The following GRB10 variants were observed in gnomAD, a reference collection of about 807,000 sequenced individuals.
The protein encoded by GRB10 is growth factor receptor bound protein 10, also known as growth factor receptor-bound protein 10.
GRB10 carries 20 observed loss-of-function variants against 80.9 expected under a neutral mutation model. The observed-to-expected ratio is 0.25, with a 90% CI of 0.17 to 0.36. The LOEUF is 0.36. Ranked by LOEUF, GRB10 falls within the 10% of genes least tolerant of loss-of-function variation. The probability of loss-of-function intolerance (pLI) is 1.00; values close to 1 mark genes in which losing one functional copy is unlikely to be tolerated. For synonymous variants in GRB10, 291 were observed against 291.5 expected, an observed-to-expected ratio of 1.00 and a Z score of 0.02; for missense variants, 548 against 747.7, an observed-to-expected ratio of 0.73 and a Z score of 3.12.
intron 4 of GRB10, among the ~76,000 whole-genome samples, chr7:50,729,580 A>G (rs1005649688): frequency 5.3e-5 from 8 of 151,974 alleles, no homozygotes; most frequent in African/African-American, 1.9e-4. Flanking sequence ...AGCTCCATAA[A>G]CCCCATCCCA....
At chr7:50,623,476 C>T (rs1001548296) in intron 8 of GRB10, among the ~76,000 whole-genome samples, 9 of 152,334 alleles carry the variant, frequency 5.9e-5, no homozygotes, top group East Asian at 1.9e-4. Context: ...TATCCACAAG[C>T]GCAGCACAGA....
intron 5 of GRB10, among the ~76,000 whole-genome samples, chr7:50,693,145 G>T (rs2063027871): frequency 6.6e-6 from 1 of 152,058 alleles, no homozygotes; most frequent in Admixed American, 6.6e-5. Flanking sequence ...GAGACTAAAA[G>T]ACAGAAAAAC....
chr7:50,781,137 A>T (rs1224314712), intron 1 of GRB10: 16 of 152,274 alleles, frequency 1.1e-4, no homozygotes, highest in Admixed American at 9.8e-4. Context: ...GTCCTACAAG[A>T]TAGTAACTAT....
chr7:50,703,245 C>T (rs2064499613), intron 5 of GRB10, among the ~76,000 whole-genome samples: 1 of 152,238 alleles, frequency 6.6e-6, no homozygotes, highest in Non-Finnish European at 1.5e-5. Context: ...TTAAACTCTC[C>T]AATAAGCCAA....
chr7:50,631,638 T>C (rs866157948), intron 7 of GRB10, among the ~76,000 whole-genome samples: 2 of 152,310 alleles, frequency 1.3e-5, no homozygotes, highest in Non-Finnish European at 1.5e-5. Context: ...AGAGAAATTA[T>C]CAAAGCAGGC....
chr7:50,668,921 C>T (rs983218375), intron 7 of GRB10, among the ~76,000 whole-genome samples: 2 of 152,226 alleles, frequency 1.3e-5, no homozygotes, highest in African/African-American at 4.8e-5. Context: ...CATGGATCTA[C>T]TTTAAGTAGA....
intron 8 of GRB10, among the ~76,000 whole-genome samples, chr7:50,624,982 A>AATT (rs772004519): frequency 3.0e-4 from 45 of 152,264 alleles, no homozygotes; most frequent in Non-Finnish European, 2.6e-4. Flanking sequence ...ATCTATAAAG[A>AATT]AGAGAAAGAA....
At chr7:50,636,399 T>TA (rs1157925718) in intron 7 of GRB10, among the ~76,000 whole-genome samples, 4 of 152,192 alleles carry the variant, frequency 2.6e-5, no homozygotes, top group Non-Finnish European at 4.4e-5. Context: ...ATCACCCTGA[T>TA]ACCGAAATCA....
intron 7 of GRB10, among the ~76,000 whole-genome samples, chr7:50,650,775 G>A (rs2057913082): frequency 6.6e-6 from 1 of 152,162 alleles, no homozygotes; most frequent in Non-Finnish European, 1.5e-5. Flanking sequence ...AAGTTAGAAG[G>A]GGGAAGAAAA....
intron 3 of GRB10, among the ~76,000 whole-genome samples, chr7:50,754,183 C>T (rs150386153): frequency 6.6e-6 from 1 of 152,308 alleles, no homozygotes; most frequent in Non-Finnish European, 1.5e-5. Flanking sequence ...ACATCGTCTA[C>T]AATGAGCAGT....
intron 2 of GRB10, among the ~76,000 whole-genome samples, chr7:50,756,809 T>C (rs1359470353): frequency 6.6e-6 from 1 of 152,152 alleles, no homozygotes; most frequent in African/African-American, 2.4e-5. Flanking sequence ...CCCACCTCAC[T>C]GAGGATTTTA....
intron 6 of GRB10, among the ~76,000 whole-genome samples, chr7:50,671,399 T>C (rs2060336351): frequency 6.6e-6 from 1 of 152,222 alleles, no homozygotes; most frequent in African/African-American, 2.4e-5. Context: ...TATTACTTTT[T>C]CTCTTTTACC....
intron 4 of GRB10, among the ~76,000 whole-genome samples, chr7:50,708,789 C>T (rs145761614): frequency 0.072 from 10,891 of 151,310 alleles, 608 homozygotes; most frequent in South Asian, 0.12. Flanking sequence ...AATTCCCCTG[C>T]CTCAGCCTCC....
At chr7:50,595,886 G>A in intron 17 of GRB10, 1 of 210,686 alleles carries the variant, frequency 4.7e-6, no homozygotes, top group Non-Finnish European at 9.7e-6. Context: ...AAAAGACACA[G>A]GAGGCAGGAT....
chr7:50,679,121 T>C (rs994726252), intron 5 of GRB10, among the ~76,000 whole-genome samples: 8 of 152,356 alleles, frequency 5.3e-5, no homozygotes, highest in South Asian at 4.1e-4. Context: ...TTAATAGTTA[T>C]TTTCCTTCTT....
intron 2 of GRB10, among the ~76,000 whole-genome samples, chr7:50,768,797 A>T (rs536423347): frequency 6.6e-6 from 1 of 152,328 alleles, no homozygotes; most frequent in East Asian, 1.9e-4. Context: ...AGTGTCTGAA[A>T]GGGGGCCCTC....
chr7:50,767,084 C>T (rs1260003125), intron 2 of GRB10, among the ~76,000 whole-genome samples: 1 of 152,182 alleles, frequency 6.6e-6, no homozygotes, highest in African/African-American at 2.4e-5. Context: ...GCAATGTAAT[C>T]GAACTTTTCT....
At chr7:50,728,270 AAATAAT>A (rs568521216) in intron 4 of GRB10, among the ~76,000 whole-genome samples, 1 of 151,896 alleles carries the variant, frequency 6.6e-6, no homozygotes. Flanking sequence ...CTTTCACTAA[AAATAAT>A]AATAATAATA....
chr7:50,672,569 T>G (rs975945353), intron 6 of GRB10, among the ~76,000 whole-genome samples: 3 of 152,082 alleles, frequency 2.0e-5, no homozygotes, highest in African/African-American at 4.8e-5. Flanking sequence ...TGTGACCCTG[T>G]AGGGAGAGGG....
Sources: allele counts gnomAD v4.1 joint callset (sites outside exome capture counted in the v4.1 genomes callset), GRCh38; gene constraint gnomAD v4.1.1; transcripts MANE v1.5; gene names NCBI Gene and HGNC (gene_info 2026-07-23, HGNC 2026-07-21).